The following SIRPB1 variants were observed in gnomAD, a reference collection of about 807,000 sequenced individuals.
The protein encoded by SIRPB1 is signal regulatory protein beta 1, also known as signal-regulatory protein beta-1.
In SIRPB1, 28 loss-of-function variants were observed where a neutral mutation model predicts 34.1. The ratio of observed to expected loss-of-function variants is 0.82; its 90% confidence interval spans 0.61 to 1.12. The LOEUF (loss-of-function observed/expected upper bound fraction) is 1.12, where lower values mean the gene tolerates loss of function less well. Among genes scored for constraint, SIRPB1 ranks in the 50% most tolerant of loss-of-function variants. The pLI is 0.00. For synonymous variants in SIRPB1, 211 were observed against 203.8 expected (o/e 1.04, Z -0.30); for missense variants, 499 against 507.0 (o/e 0.98, Z 0.15).
intron 1 of SIRPB1, among the ~76,000 whole-genome samples, chr20:1,614,255 C>T (rs2091598320): frequency 6.6e-6 from 1 of 152,150 alleles, no homozygotes. Flanking sequence ...AAAGGGAGTG[C>T]TTCAGGTGGA....
At chr20:1,566,056 A>T (rs2122159498) in intron 5 of SIRPB1, 97 bp downstream of exon 5, 1 of 741,458 alleles carries the variant, frequency 1.3e-6, no homozygotes, top group South Asian at 1.7e-5. Flanking sequence ...TGTAAACTCC[A>T]CTGACCCTGA....
intron 4 of SIRPB1, 54 bp from the exon 5 acceptor site, chr20:1,566,321 C>T: frequency 3.6e-6 from 4 of 1,125,414 alleles, no homozygotes; most frequent in Non-Finnish European, 5.2e-6. Flanking sequence ...GGAGCTCATC[C>T]CAGGGGCCTC....
rs1265536301 is a variant in SIRPB1, at chr20:1,582,543, A to G, written c.77-3849T>C. On this transcript the variant is annotated intron_variant, in intron 1 of 5. Coordinates refer to ENST00000381605, the MANE Select transcript of SIRPB1 (RefSeq NM_006065.5). ...AACCAAATACTAGCAAACTGAATTG[A>G]ACAGCATATTAGAAGAATTATACAA... Among the ~76,000 whole-genome samples the G allele has an allele frequency of 1.4e-4, 7 of 49,550 alleles. 3 individuals carry two copies. The East Asian group carries it at 4.0e-3, about 28-fold the overall frequency. The allele number at this position is 49,550 out of a possible 152,430, so 32.5% of individuals were successfully genotyped here.
rs1400815420 is a variant in SIRPB1 at position 1,572,700 on chromosome 20, A to G, written c.434-663T>C. 3.9e-5 allele frequency among the ~76,000 whole-genome samples: 6 copies of G among 151,964 alleles called. No individual in the cohort carries two copies. In the South Asian group the frequency reaches 6.3e-4, roughly 16 times the overall value. On this transcript the variant is annotated intron_variant, in intron 2 of 5. Transcript: ENST00000381605. ...AGAGGTCTCTCTTTAGGTATTATAA[A>G]AATATGAAACATTCCGTATTTTTCT... is the stretch of plus-strand genomic sequence containing the variant.
At position 1,619,954 on chromosome 20, in the gene SIRPB1, C is replaced by A; in HGVS notation, c.-10G>T. Reference sequence around the variant, plus strand: ...AGGCTGGCACGGGCATTCTGGAGACCTTAGGAGCCTGCTCTGTCCAAACGT... The same window carrying A: ...AGGCTGGCACGGGCATTCTGGAGACATTAGGAGCCTGCTCTGTCCAAACGT... On this transcript the variant is annotated 5_prime_UTR_variant, in exon 1 of 6. It adds an upstream start codon to the 5' untranslated region. Coordinates refer to ENST00000381605, the MANE Select transcript of SIRPB1 (RefSeq NM_006065.5). The A allele has an allele frequency of 6.2e-7, 1 of 1,612,246 alleles. No individual in the cohort carries two copies. The highest frequency in any genetic ancestry group is 8.5e-7 in the Non-Finnish European group (1 of 1,179,002).
intron 1 of SIRPB1, among the ~76,000 whole-genome samples, chr20:1,579,560 C>T (rs2091373039): frequency 6.7e-6 from 1 of 148,590 alleles, no homozygotes; most frequent in South Asian, 2.1e-4. Context: ...CGTGAATGAC[C>T]GTTGCATGCA....
rs780588236 is a variant in SIRPB1, at chr20:1,619,930, G to A, written c.15C>T (p.Ala5=). The change falls in exon 1 of 6, where the codon GCC becomes GCT. Residue 5 remains alanine, a synonymous_variant. Coordinates refer to ENST00000381605, the MANE Select transcript of SIRPB1 (RefSeq NM_006065.5). MPVP[A]SWPHLPSPFL... ...AAGGACTAGGAAGGTGGGGCCAGGA[G>A]GCTGGCACGGGCATTCTGGAGACCT... 1 of 1,613,834 alleles carries A rather than the reference G, an allele frequency of 6.2e-7. No individual in the cohort carries two copies. The highest frequency in any genetic ancestry group is 8.5e-7 in the Non-Finnish European group (1 of 1,179,788).
Position 1,570,808 on chromosome 20 carries a change from G to T in SIRPB1, c.1081C>A (p.His361Asn). ...TAAAAATGGGAAGTAACCGCACCATGGGTGATATCTGAGCCGTGCTCCTTC... is the reference window on the plus strand; with the variant it reads ...TAAAAATGGGAAGTAACCGCACCATTGGTGATATCTGAGCCGTGCTCCTTC... ...HQKEHGSDIT[H>N]EAALAPTAPL... is the part of the protein sequence containing the mutation. The change falls in exon 4 of 6, where the codon CAT (histidine) becomes AAT (asparagine). Residue 361 changes from histidine to asparagine, a missense_variant. Transcript: ENST00000381605. 1.2e-6 allele frequency: 2 copies of T among 1,605,916 alleles called. No individual in the cohort carries two copies. The highest frequency in any genetic ancestry group is 1.7e-6 in the Non-Finnish European group (2 of 1,175,570).
intron 1 of SIRPB1, among the ~76,000 whole-genome samples, chr20:1,579,722 A>G (rs2091375518): frequency 6.7e-6 from 1 of 148,654 alleles, no homozygotes; most frequent in Admixed American, 6.6e-5. Flanking sequence ...GTTAAAAGAA[A>G]TGTAACATTT....
chr20:1,609,511 C>T (rs1215512516), intron 1 of SIRPB1, among the ~76,000 whole-genome samples: 1 of 72,412 alleles, frequency 1.4e-5, no homozygotes, highest in Non-Finnish European at 2.6e-5. Context: ...ATCACTCTAA[C>T]CTCTTGCTTG....
At chr20:1,614,652 C>T (rs1432114746) in intron 1 of SIRPB1, among the ~76,000 whole-genome samples, 1 of 152,050 alleles carries the variant, frequency 6.6e-6, no homozygotes, top group African/African-American at 2.4e-5. Context: ...TCTCTAGGAA[C>T]TGTGAGTATG....
At chr20:1,603,745 G>A in intron 1 of SIRPB1, 1 of 436,294 alleles carries the variant, frequency 2.3e-6, no homozygotes, top group Non-Finnish European at 3.1e-6. Context: ...CTTATTTTAT[G>A]ACAAACATAA....
rs2091095734 is a variant in SIRPB1 at position 1,563,495 on chromosome 20, A to G, written c.*2005T>C. The G allele has an allele frequency of 6.6e-6, 1 of 152,246 alleles. No homozygotes were observed. Among genetic ancestry groups the G allele is most frequent in the South Asian group, 2.1e-4 (1 of 4,836 alleles). The allele number at this position is 152,246 out of a possible 1,614,324, so 9.4% of individuals were successfully genotyped here. On this transcript the variant is annotated 3_prime_UTR_variant, in exon 6 of 6. Transcript: ENST00000381605. Reference sequence around the variant, plus strand: ...GCAATAAGGGTGAAACTCCATCTCAAAAAAATAAAAATAAAATAAACAAAT... The same window carrying G: ...GCAATAAGGGTGAAACTCCATCTCAGAAAAATAAAAATAAAATAAACAAAT...
Position 1,566,143 on chromosome 20 carries a change from C to A in SIRPB1, c.*2+10G>T. On this transcript the variant is annotated intron_variant, in intron 5 of 5. Transcript: ENST00000381605. The stretch of plus-strand genomic sequence containing the variant: ...GAGCCCTTGGTCAGTCCTCCCTCTC[C>A]TAAACTTACAGTCAGGCCTTCTGTT... 1 of 1,579,464 alleles carries A rather than the reference C, an allele frequency of 6.3e-7. No individual in the cohort carries two copies. The highest frequency in any genetic ancestry group is 1.7e-4 in the Middle Eastern group (1 of 6,008).
chr20:1,619,744 C>G, intron 1 of SIRPB1, 125 bp downstream of exon 1: 1 of 635,632 alleles, frequency 1.6e-6, no homozygotes, highest in South Asian at 2.3e-5. Context: ...TTTCTGCTCT[C>G]AGTCAAAGCC....
intron 4 of SIRPB1, 36 bp downstream of exon 4, chr20:1,570,768 GA>G: frequency 1.3e-6 from 2 of 1,506,466 alleles, no homozygotes; most frequent in Non-Finnish European, 1.8e-6. Context: ...TAACATTAAA[GA>G]AAAAGACAAA....
chr20:1,613,317 A>C (rs35145179), intron 1 of SIRPB1, among the ~76,000 whole-genome samples: 1 of 74,038 alleles, frequency 1.4e-5, no homozygotes, highest in Non-Finnish European at 2.6e-5. Context: ...GCATCTTCAC[A>C]TGCAAACATC....
chr20:1,579,042 TC>T (rs1352012723), intron 1 of SIRPB1, among the ~76,000 whole-genome samples: 2 of 147,774 alleles, frequency 1.4e-5, no homozygotes, highest in Non-Finnish European at 3.0e-5. Context: ...GCCTCAATCT[TC>T]CAGGCTCAAG....
At chr20:1,571,222 A>G (rs924369734) in intron 3 of SIRPB1, 85 bp from the exon 4 acceptor site, 9 of 1,350,206 alleles carry the variant, frequency 6.7e-6, no homozygotes, top group Non-Finnish European at 8.2e-6. Context: ...CCACCAACAC[A>G]GTGAGGGCAT....
Sources: gnomAD v4.1 joint callset for allele counts (sites outside exome capture counted in the v4.1 genomes callset) on GRCh38, gnomAD v4.1.1 for gene constraint, MANE v1.5 for transcripts, NCBI Gene and HGNC (gene_info 2026-07-23, HGNC 2026-07-21) for gene names.